The following TENM3 variants were observed in gnomAD, a reference collection of about 807,000 sequenced individuals.
The protein encoded by TENM3 is teneurin transmembrane protein 3.
In TENM3, 63 loss-of-function variants were observed where a neutral mutation model predicts 255.1. That is an observed-to-expected ratio of 0.25 (90% CI 0.20 to 0.30). The LOEUF (loss-of-function observed/expected upper bound fraction) is 0.30. TENM3 is among the 10% of genes least tolerant of loss of function. The pLI is 1.00. For missense variants in TENM3, 2,929 were observed against 3,461.1 expected, an observed-to-expected ratio of 0.85 and a Z score of 3.86; for synonymous variants, 1,306 against 1,322.3, an observed-to-expected ratio of 0.99 and a Z score of 0.27.
At chr4:181,963,276 G>T in the TENM3 span, among the ~76,000 whole-genome samples, 4 of 152,150 alleles carry the variant, frequency 2.6e-5, no homozygotes, top group Non-Finnish European at 2.9e-5. Context: ...TTTATTAAAA[G>T]AAATCAATGA....
At chr4:181,523,093 A>C in the TENM3 span, 1 of 508,052 alleles carries the variant, frequency 2.0e-6, no homozygotes. Context: ...ACATCTTTGA[A>C]GGTCACTATT....
At chr4:182,012,817 T>A in the TENM3 span, 1 of 152,172 alleles carries the variant, frequency 6.6e-6, no homozygotes, top group Admixed American at 6.5e-5. Context: ...ATATTGGGAA[T>A]AACTGTAAGG....
chr4:181,637,619 T>C, the TENM3 span, among the ~76,000 whole-genome samples: 2 of 152,204 alleles, frequency 1.3e-5, no homozygotes, highest in African/African-American at 4.8e-5. Context: ...TCCACCCTCC[T>C]GACCTAATTA....
At chr4:181,934,072 G>GTGTGTGTA in the TENM3 span, among the ~76,000 whole-genome samples, 1 of 148,480 alleles carries the variant, frequency 6.7e-6, no homozygotes, top group African/African-American at 2.5e-5. Context: ...GTGTGTGTGT[G>GTGTGTGTA]TGTGCGCGCG....
chr4:182,093,564 G>A, the TENM3 span, among the ~76,000 whole-genome samples: 73 of 152,268 alleles, frequency 4.8e-4, no homozygotes, highest in Non-Finnish European at 7.4e-4. Context: ...GGCATCTGAG[G>A]AGCCAGAGAA....
chr4:182,711,630 A>T, intron 12 of TENM3: 1 of 894,298 alleles, frequency 1.1e-6, no homozygotes, highest in Non-Finnish European at 1.3e-6. Context: ...TTGTTGACAT[A>T]TCTACATATA....
chr4:182,465,332 A>G (rs1449652687), intron 3 of TENM3, among the ~76,000 whole-genome samples: 2 of 152,108 alleles, frequency 1.3e-5, no homozygotes, highest in Non-Finnish European at 2.9e-5. Context: ...GGTCCCGAGG[A>G]CTTCAGGAAG....
intron 3 of TENM3, among the ~76,000 whole-genome samples, chr4:182,551,827 C>G (rs1001372561): frequency 2.0e-5 from 3 of 151,818 alleles, no homozygotes; most frequent in Non-Finnish European, 4.4e-5. Flanking sequence ...TTGAGACCAC[C>G]CTTGGCAGCA....
At chr4:181,778,132 AT>A in the TENM3 span, among the ~76,000 whole-genome samples, 7 of 152,042 alleles carry the variant, frequency 4.6e-5, no homozygotes, top group Non-Finnish European at 1.0e-4. Flanking sequence ...ATTGAATTTT[AT>A]TTTTTTATTT....
intron 1 of TENM3, among the ~76,000 whole-genome samples, chr4:182,234,553 T>G (rs1422984480): frequency 6.6e-6 from 1 of 151,962 alleles, no homozygotes; most frequent in Non-Finnish European, 1.5e-5. Context: ...ACCTACATAG[T>G]GAAACAACAT....
chr4:182,005,424 CTA>C, the TENM3 span, among the ~76,000 whole-genome samples: 1 of 152,092 alleles, frequency 6.6e-6, no homozygotes, highest in African/African-American at 2.4e-5. Flanking sequence ...CTCCTTTCAT[CTA>C]TATGTCTGTT....
intron 3 of TENM3, among the ~76,000 whole-genome samples, chr4:182,355,004 A>G (rs1765425079): frequency 6.6e-6 from 1 of 152,238 alleles, no homozygotes; most frequent in Admixed American, 6.5e-5. Context: ...AGAAGCTCAC[A>G]GGGTGGTTGG....
At chr4:181,776,958 G>GT in the TENM3 span, among the ~76,000 whole-genome samples, 44 of 151,368 alleles carry the variant, frequency 2.9e-4, no homozygotes, top group Admixed American at 5.3e-4. Flanking sequence ...CCTATTTTTG[G>GT]TTTTTTTTGT....
the TENM3 span, among the ~76,000 whole-genome samples, chr4:181,979,818 G>A: frequency 6.6e-6 from 1 of 152,186 alleles, no homozygotes; most frequent in Admixed American, 6.5e-5. Context: ...GATTCAAACT[G>A]AGGTGGTTTT....
the TENM3 span, among the ~76,000 whole-genome samples, chr4:181,992,412 A>G: frequency 2.6e-5 from 4 of 152,204 alleles, no homozygotes; most frequent in Non-Finnish European, 5.9e-5. Flanking sequence ...ATAATTTAAT[A>G]ATGCAAATCA....
At chr4:182,734,417 TAA>T (rs529716981) in intron 16 of TENM3, among the ~76,000 whole-genome samples, 122 of 152,276 alleles carry the variant, frequency 8.0e-4, no homozygotes, top group Non-Finnish European at 1.2e-3. Context: ...AGCATTTCTC[TAA>T]AGTTAACTCA....
At chr4:182,672,465 CTCTA>C (rs1755301413) in intron 6 of TENM3, among the ~76,000 whole-genome samples, 1 of 152,188 alleles carries the variant, frequency 6.6e-6, no homozygotes, top group Admixed American at 6.5e-5. Context: ...AGTACCCCTT[CTCTA>C]TCTCTCTGCC....
the TENM3 span, among the ~76,000 whole-genome samples, chr4:181,608,446 G>T: frequency 6.6e-6 from 1 of 152,162 alleles, no homozygotes; most frequent in Non-Finnish European, 1.5e-5. Context: ...AAAGGTCTCT[G>T]GGGAAAAGTA....
the TENM3 span, among the ~76,000 whole-genome samples, chr4:182,100,993 C>T: frequency 8.3e-4 from 112 of 135,584 alleles, no homozygotes; most frequent in African/African-American, 2.7e-3. Flanking sequence ...TGCAGTGAGA[C>T]GAAATGGTAC....
Sources: allele counts gnomAD v4.1 joint callset (sites outside exome capture counted in the v4.1 genomes callset), GRCh38; gene constraint gnomAD v4.1.1; transcripts MANE v1.5; gene names NCBI Gene and HGNC (gene_info 2026-07-23, HGNC 2026-07-21).